Variants in LHFPL3 observed in about 807,000 individuals in gnomAD.
The protein encoded by LHFPL3 is LHFPL tetraspan subfamily member 3 protein.
LHFPL3 carries 5 observed loss-of-function variants against 19.3 expected under a neutral mutation model. The ratio of observed to expected loss-of-function variants is 0.26; its 90% CI spans 0.14 to 0.54. The LOEUF is 0.54. Among genes scored for constraint, LHFPL3 ranks in the 20% least tolerant of loss-of-function variants. The probability of loss-of-function intolerance (pLI) is 0.94; values close to 1 mark genes in which losing one functional copy is unlikely to be tolerated. For missense variants in LHFPL3, 249 were observed against 307.4 expected (o/e 0.81, Z 1.42); for synonymous variants, 133 against 126.2 (o/e 1.05, Z -0.36).
At chr7:104,476,224 G>C (rs919342073) in intron 1 of LHFPL3, among the ~76,000 whole-genome samples, 4 of 152,158 alleles carry the variant, frequency 2.6e-5, no homozygotes, top group Non-Finnish European at 5.9e-5. Context: ...TTTCCGACTT[G>C]AAGATACCAC....
At chr7:104,360,694 C>CGTGTGTGTGTGT (rs61216282) in intron 1 of LHFPL3, among the ~76,000 whole-genome samples, 2 of 144,350 alleles carry the variant, frequency 1.4e-5, no homozygotes, top group Non-Finnish European at 3.0e-5. Context: ...AAAGTGCTTC[C>CGTGTGTGTGTGT]GTGTGTGTGT....
At chr7:104,435,542 T>C (rs1216757469) in intron 1 of LHFPL3, among the ~76,000 whole-genome samples, 1 of 150,046 alleles carries the variant, frequency 6.7e-6, no homozygotes, top group African/African-American at 2.4e-5. Flanking sequence ...AAAATGACTT[T>C]TATATTTTTC....
chr7:104,435,519 A>G (rs1387528076), intron 1 of LHFPL3, among the ~76,000 whole-genome samples: 1 of 150,744 alleles, frequency 6.6e-6, no homozygotes, highest in Non-Finnish European at 1.5e-5. Flanking sequence ...TTTATAAAAA[A>G]AGTCATTTTT....
rs548756359 is a variant in LHFPL3, at chr7:104,436,716, C to A, written c.445+107492C>A. Among the ~76,000 whole-genome samples the A allele has an allele frequency of 3.9e-5, 6 of 152,300 alleles. No individual in the cohort carries two copies. The East Asian group carries it at 9.7e-4, about 25-fold the overall frequency. On this transcript the variant is annotated intron_variant, in intron 1 of 2. Coordinates refer to ENST00000424859, the MANE Select transcript of LHFPL3 (RefSeq NM_199000.3). ...TAGCTGCATTTACTAAATCATGATG[C>A]TCAGACTTTTTGCCCATGCATTATT...
chr7:104,467,602 A>G (rs1488168988), intron 1 of LHFPL3, among the ~76,000 whole-genome samples: 1 of 152,228 alleles, frequency 6.6e-6, no homozygotes, highest in Non-Finnish European at 1.5e-5. Flanking sequence ...CATGACAAAC[A>G]TGCTATCTTC....
At position 104,398,416 on chromosome 7, in the gene LHFPL3, A is replaced by G. The variant is rs1405032669; in HGVS notation, c.445+69192A>G. 5.9e-5 allele frequency among the ~76,000 whole-genome samples: 9 copies of G among 152,170 alleles called. No individual in the cohort carries two copies. In the East Asian group the frequency reaches 1.2e-3, roughly 20 times the overall value. ...AGAGCTAGTCATCTACTGCTGTTCT[A>G]TCTCAATCATTTTCTTCATGTTGTT... On this transcript the variant is annotated intron_variant, in intron 1 of 2. Transcript: ENST00000424859.
intron 2 of LHFPL3, among the ~76,000 whole-genome samples, chr7:104,806,494 G>C (rs1411777108): frequency 6.6e-6 from 1 of 152,156 alleles, no homozygotes; most frequent in African/African-American, 2.4e-5. Context: ...CAGAGTTGAA[G>C]TTCTCTTTCC....
Position 104,422,649 on chromosome 7 carries a change from A to G in LHFPL3, c.445+93425A>G, listed in dbSNP as rs1791756666. On this transcript the variant is annotated intron_variant, in intron 1 of 2. Transcript: ENST00000424859. ...ACTATGTATGTGACTTGCGCAAGTT[A>G]CTTTATCTCTCTGAGCATCAGTTTC... 3.3e-5 allele frequency among the ~76,000 whole-genome samples: 5 copies of G among 152,338 alleles called. No homozygotes were observed. In the South Asian group the frequency reaches 1.0e-3, roughly 32 times the overall value.
intron 1 of LHFPL3, among the ~76,000 whole-genome samples, chr7:104,563,869 A>G (rs974317513): frequency 3.9e-5 from 6 of 152,246 alleles, no homozygotes; most frequent in Non-Finnish European, 8.8e-5. Context: ...TGAACAGACA[A>G]GGACAGCTGG....
chr7:104,784,605 A>T (rs1430425178), intron 2 of LHFPL3, among the ~76,000 whole-genome samples: 2 of 152,242 alleles, frequency 1.3e-5, no homozygotes, highest in Middle Eastern at 3.2e-3. Context: ...TTGTGGATAC[A>T]TATCCAAAAG....
At chr7:104,697,302 A>G (rs1404788386) in intron 1 of LHFPL3, among the ~76,000 whole-genome samples, 1 of 152,260 alleles carries the variant, frequency 6.6e-6, no homozygotes, top group Non-Finnish European at 1.5e-5. Flanking sequence ...AATAAGAGGT[A>G]ACTTCTGAGC....
intron 1 of LHFPL3, among the ~76,000 whole-genome samples, chr7:104,444,754 C>T (rs921251007): frequency 2.6e-5 from 4 of 151,968 alleles, no homozygotes; most frequent in African/African-American, 9.7e-5. Context: ...TTTGGGAGGC[C>T]GAGGCAGGCA....
At chr7:104,674,666 C>A (rs1432118245) in intron 1 of LHFPL3, among the ~76,000 whole-genome samples, 2 of 151,868 alleles carry the variant, frequency 1.3e-5, no homozygotes, top group Non-Finnish European at 2.9e-5. Context: ...TGCACCCACT[C>A]GGGAAAGGGA....
chr7:104,522,434 C>T (rs937922881), intron 1 of LHFPL3, among the ~76,000 whole-genome samples: 1 of 148,936 alleles, frequency 6.7e-6, no homozygotes, highest in Non-Finnish European at 1.5e-5. Context: ...ATACCTAATG[C>T]GAGATGACGA....
intron 1 of LHFPL3, among the ~76,000 whole-genome samples, chr7:104,334,839 C>G (rs1288963533): frequency 1.3e-5 from 2 of 152,094 alleles, no homozygotes; most frequent in Non-Finnish European, 2.9e-5. Context: ...TTAAAAAAAC[C>G]TCATATCATC....
intron 1 of LHFPL3, among the ~76,000 whole-genome samples, chr7:104,569,915 A>G (rs1378614592): frequency 2.0e-5 from 3 of 152,250 alleles, no homozygotes; most frequent in Non-Finnish European, 4.4e-5. Flanking sequence ...TCTCTCCACA[A>G]TGACTACAGT....
chr7:104,683,932 G>A (rs1026301046), intron 1 of LHFPL3, among the ~76,000 whole-genome samples: 2 of 152,178 alleles, frequency 1.3e-5, no homozygotes, highest in Non-Finnish European at 2.9e-5. Context: ...TTGAGAACCA[G>A]TTCTCTCACG....
chr7:104,436,403 A>G (rs886952381), intron 1 of LHFPL3, among the ~76,000 whole-genome samples: 2 of 152,190 alleles, frequency 1.3e-5, no homozygotes, highest in African/African-American at 4.8e-5. Flanking sequence ...GTGAATAACT[A>G]TCCCAGAGTT....
At chr7:104,664,394 C>T (rs1249961914) in intron 1 of LHFPL3, among the ~76,000 whole-genome samples, 1 of 152,130 alleles carries the variant, frequency 6.6e-6, no homozygotes, top group Non-Finnish European at 1.5e-5. Context: ...TTTAAGATGT[C>T]TCAAATACAG....
Sources: gnomAD v4.1 joint callset for allele counts (sites outside exome capture counted in the v4.1 genomes callset) on GRCh38, gnomAD v4.1.1 for gene constraint, MANE v1.5 for transcripts, NCBI Gene and HGNC (gene_info 2026-07-23, HGNC 2026-07-21) for gene names.